The following PCDHA5 variants were observed in gnomAD, a reference collection of about 807,000 sequenced individuals.
PCDHA5 encodes the protein protocadherin alpha 5.
PCDHA5 carries 43 observed loss-of-function variants against 61.6 expected under a neutral mutation model. The ratio of observed to expected loss-of-function variants is 0.70; its 90% confidence interval spans 0.55 to 0.90. The LOEUF is 0.90. Ranked by LOEUF, PCDHA5 falls within the 40% of genes least tolerant of loss-of-function variation. The probability of loss-of-function intolerance (pLI) is 0.00; values close to 1 mark genes in which losing one functional copy is unlikely to be tolerated. For synonymous variants in PCDHA5, 627 were observed against 543.9 expected (o/e 1.15, Z -2.13); for missense variants, 1,298 against 1,222.7 (o/e 1.06, Z -0.92).
At chr5:140,833,817 G>A (rs1772671317) in intron 1 of PCDHA5, among the ~76,000 whole-genome samples, 1 of 152,028 alleles carries the variant, frequency 6.6e-6, no homozygotes, top group Non-Finnish European at 1.5e-5. Context: ...GAGATCCTGG[G>A]TCCCTAAAAG....
In PCDHA5 at chr5:140,823,572, T is replaced by C. The variant is rs2150127027; in HGVS notation, c.1797T>C (p.Asp599=). 2 of 1,613,944 alleles carry C rather than the reference T, an allele frequency of 1.2e-6. No homozygotes were observed. The highest frequency in any genetic ancestry group is 1.3e-5 in the African/African-American group (1 of 75,056). ...VVAKVRAVDP[D]SGYNAWLSYE... is the part of the protein sequence containing the mutation. ...CGAAGGTGCGCGCAGTGGACCCTGA[T>C]TCGGGCTACAACGCTTGGCTTTCGT... is the stretch of plus-strand genomic sequence containing the variant. Residue 599 remains aspartate (D), a synonymous_variant, in exon 1 of 4, where the codon GAT becomes GAC. Transcript: ENST00000529859.
At chr5:140,887,524 G>A (rs2061480235) in intron 1 of PCDHA5, among the ~76,000 whole-genome samples, 2 of 152,090 alleles carry the variant, frequency 1.3e-5, no homozygotes, top group African/African-American at 4.8e-5. Flanking sequence ...TTATATATGA[G>A]TCTTCCTCTC....
rs202184948 is a variant in PCDHA5 at position 140,888,065 on chromosome 5, T to C, written c.2352+63938T>C. 4.6e-5 allele frequency among the ~76,000 whole-genome samples: 7 copies of C among 152,338 alleles called. No homozygotes were observed. The East Asian group carries it at 5.8e-4, about 13-fold the overall frequency. On this transcript the variant is annotated intron_variant, in intron 1 of 3. Transcript: ENST00000529859. Reference sequence around the variant, plus strand: ...TATAATAGATGTTTTAACTTTCTTGTCTGCTAATTTCAACATTTTTGTCCT... The same window carrying C: ...TATAATAGATGTTTTAACTTTCTTGCCTGCTAATTTCAACATTTTTGTCCT...
chr5:140,973,125 G>A (rs1417014318), intron 1 of PCDHA5, among the ~76,000 whole-genome samples: 2 of 152,166 alleles, frequency 1.3e-5, no homozygotes, highest in African/African-American at 4.8e-5. Context: ...GATGAATTAA[G>A]TTTGCATTCA....
At chr5:140,941,760 T>A (rs1343959883) in intron 1 of PCDHA5, among the ~76,000 whole-genome samples, 2 of 152,234 alleles carry the variant, frequency 1.3e-5, no homozygotes, top group Non-Finnish European at 1.5e-5. Flanking sequence ...TCAGTGCTTT[T>A]AAGATAATTG....
chr5:140,848,048 A>G, intron 1 of PCDHA5: 1 of 161,290 alleles, frequency 6.2e-6, no homozygotes, highest in Admixed American at 5.8e-5. Context: ...GAATCATTTT[A>G]ATTGTTACTT....
intron 1 of PCDHA5, chr5:140,836,466 G>T: frequency 6.2e-7 from 1 of 1,613,862 alleles, no homozygotes; most frequent in Non-Finnish European, 8.5e-7. Flanking sequence ...CGAGCTGGTG[G>T]ATGTCAACGT....
intron 1 of PCDHA5, among the ~76,000 whole-genome samples, chr5:140,964,836 T>G (rs1306843318): frequency 1.3e-5 from 2 of 152,148 alleles, no homozygotes; most frequent in African/African-American, 4.8e-5. Flanking sequence ...AATTGCTTCC[T>G]ACTCTGTACC....
intron 1 of PCDHA5, chr5:140,875,825 A>G: frequency 6.2e-7 from 1 of 1,614,174 alleles, no homozygotes; most frequent in East Asian, 2.2e-5. Flanking sequence ...CAGGTTTTCC[A>G]TGTGGACGTG....
At chr5:140,901,927 A>C (rs2068986448) in intron 1 of PCDHA5, among the ~76,000 whole-genome samples, 1 of 151,764 alleles carries the variant, frequency 6.6e-6, no homozygotes. Context: ...TCTTTGGTTA[A>C]TTCCTAGGTA....
At chr5:140,908,804 T>C (rs1157142483) in intron 1 of PCDHA5, among the ~76,000 whole-genome samples, 2 of 152,162 alleles carry the variant, frequency 1.3e-5, no homozygotes, top group African/African-American at 4.8e-5. Context: ...CATTAAAAAG[T>C]GAGAGCCTTT....
chr5:141,004,014 A>T (rs1294633411), intron 3 of PCDHA5, among the ~76,000 whole-genome samples: 40 of 152,222 alleles, frequency 2.6e-4, no homozygotes, highest in African/African-American at 9.4e-4. Context: ...GGCAGCACTG[A>T]AAGAAGAAAC....
Position 140,822,997 on chromosome 5 carries a change from C to T in PCDHA5, c.1222C>T (p.Leu408=). ...CTTCAAGAATTACTACTCGTTGGTG[C>T]TGGACAGCGCCCTGGACCGCGAGAG... The part of the protein sequence containing the change: ...STFKNYYSLV[L]DSALDRESVS... The change falls in exon 1 of 4, where the codon CTG becomes TTG. Residue 408 remains leucine, a synonymous_variant. Transcript: ENST00000529859. 1 of 1,614,238 alleles carries T rather than the reference C, an allele frequency of 6.2e-7. No homozygotes were observed. The highest frequency in any genetic ancestry group is 1.3e-5 in the African/African-American group (1 of 75,080).
At chr5:140,850,689 T>C in intron 1 of PCDHA5, 4 of 1,594,932 alleles carry the variant, frequency 2.5e-6, no homozygotes, top group South Asian at 1.1e-5. Flanking sequence ...CGAGGGCGAG[T>C]GCGCGCCTGG....
At chr5:140,970,758 A>T (rs1217450283) in intron 1 of PCDHA5, among the ~76,000 whole-genome samples, 2 of 152,232 alleles carry the variant, frequency 1.3e-5, no homozygotes, top group East Asian at 3.8e-4. Flanking sequence ...ATTTTCATTG[A>T]CATATTGCTG....
intron 1 of PCDHA5, chr5:140,881,433 T>A (rs1554172102): frequency 1.1e-6 from 1 of 872,990 alleles, no homozygotes; most frequent in African/African-American, 1.8e-5. Context: ...AGGCATATTT[T>A]ATAAAAACAG....
intron 1 of PCDHA5, chr5:140,842,876 G>A (rs2150347081): frequency 6.3e-7 from 1 of 1,593,878 alleles, no homozygotes; most frequent in Non-Finnish European, 8.6e-7. Flanking sequence ...CAAGGTGTAC[G>A]CGCTGCAGCC....
rs559205841 is a variant in PCDHA5 at position 140,922,691 on chromosome 5, C to G, written c.2353-56258C>G. On this transcript the variant is annotated intron_variant, in intron 1 of 3. Coordinates refer to ENST00000529859, the MANE Select transcript of PCDHA5 (RefSeq NM_018908.3). ...GCAGTAAAAAAGTGAACAGGCTCTGCTTCCATACAGTCAAGAACAAAAAGA... is the reference window on the plus strand; with the variant it reads ...GCAGTAAAAAAGTGAACAGGCTCTGGTTCCATACAGTCAAGAACAAAAAGA... 2.0e-4 allele frequency among the ~76,000 whole-genome samples: 30 copies of G among 152,262 alleles called. No individual in the cohort carries two copies. In the South Asian group the frequency reaches 6.0e-3, roughly 31 times the overall value.
intron 1 of PCDHA5, chr5:140,927,658 C>G (rs782350503): frequency 6.2e-7 from 1 of 1,614,094 alleles, no homozygotes; most frequent in East Asian, 2.2e-5. Context: ...ATTCCGAGTT[C>G]AAGCCTTGGA....
Sources: allele counts gnomAD v4.1 joint callset (sites outside exome capture counted in the v4.1 genomes callset), GRCh38; gene constraint gnomAD v4.1.1; transcripts MANE v1.5; gene names NCBI Gene and HGNC (gene_info 2026-07-23, HGNC 2026-07-21).